The following ATP9B variants were observed in gnomAD, a reference collection of about 807,000 sequenced individuals.
The protein encoded by ATP9B is ATPase phospholipid transporting 9B, also known as probable phospholipid-transporting ATPase IIB.
Under a neutral mutation model 146.1 loss-of-function variants are expected in ATP9B, and 110 were observed. The ratio of observed to expected loss-of-function variants is 0.75; its 90% CI spans 0.65 to 0.88. The LOEUF (loss-of-function observed/expected upper bound fraction) is 0.88, where lower values mean the gene tolerates loss of function less well. Ranked by LOEUF, ATP9B falls within the 40% of genes least tolerant of loss-of-function variation. ATP9B has a pLI of 0.00. For synonymous variants in ATP9B, 604 were observed against 569.7 expected, an observed-to-expected ratio of 1.06 and a Z score of -0.86; for missense variants, 1,499 against 1,496.4, an observed-to-expected ratio of 1.00 and a Z score of -0.03.
intron 2 of ATP9B, among the ~76,000 whole-genome samples, chr18:79,108,269 T>C (rs1447573198): frequency 1.3e-5 from 2 of 152,196 alleles, no homozygotes; most frequent in African/African-American, 2.4e-5. Context: ...GAAATAGTCA[T>C]TGAAAGCTTA....
At chr18:79,267,988 C>T (rs904743636) in intron 12 of ATP9B, among the ~76,000 whole-genome samples, 3 of 151,992 alleles carry the variant, frequency 2.0e-5, no homozygotes, top group Non-Finnish European at 4.4e-5. Flanking sequence ...CCTTGGAATT[C>T]TGTTTATTTT....
intron 11 of ATP9B, among the ~76,000 whole-genome samples, chr18:79,215,070 C>T (rs182015039): frequency 6.6e-6 from 1 of 151,432 alleles, no homozygotes; most frequent in Admixed American, 6.6e-5. Context: ...ATAGCTCAAA[C>T]CCGGGAGGTG....
chr18:79,136,152 T>G (rs1393626119), intron 5 of ATP9B, among the ~76,000 whole-genome samples: 1 of 151,670 alleles, frequency 6.6e-6, no homozygotes, highest in Admixed American at 6.6e-5. Context: ...TACAACTAAT[T>G]AATACAACTA....
At chr18:79,370,514 C>A (rs188930423) in intron 26 of ATP9B, among the ~76,000 whole-genome samples, 208 of 152,298 alleles carry the variant, frequency 1.4e-3, no homozygotes, top group Non-Finnish European at 2.6e-3. Context: ...TAACATGAAA[C>A]CCATAGTGAA....
At chr18:79,227,508 ATGGATGGGTGG>A (rs1473890471) in intron 11 of ATP9B, among the ~76,000 whole-genome samples, 1 of 152,056 alleles carries the variant, frequency 6.6e-6, no homozygotes, top group Non-Finnish European at 1.5e-5. Flanking sequence ...GGATGGGTAG[ATGGATGGGTGG>A]TGGATGGGTG....
chr18:79,275,460 T>C (rs1290242520), intron 12 of ATP9B, among the ~76,000 whole-genome samples: 1 of 152,270 alleles, frequency 6.6e-6, no homozygotes, highest in Non-Finnish European at 1.5e-5. Context: ...ACAGCCCTGC[T>C]ATTTAGTAAC....
At chr18:79,352,538 G>A (rs895309720) in intron 25 of ATP9B, 1 of 152,234 alleles carries the variant, frequency 6.6e-6, no homozygotes, top group Non-Finnish European at 1.5e-5. Flanking sequence ...ATGCCTCAGA[G>A]AAGAGAAACA....
chr18:79,082,661 C>T (rs1286687473), intron 1 of ATP9B, among the ~76,000 whole-genome samples: 1 of 152,172 alleles, frequency 6.6e-6, no homozygotes, highest in African/African-American at 2.4e-5. Context: ...CAGTCAGGCA[C>T]GTCTGTTGCA....
intron 12 of ATP9B, chr18:79,255,413 C>T (rs2096068045): frequency 6.5e-6 from 1 of 152,728 alleles, no homozygotes; most frequent in Admixed American, 6.5e-5. Context: ...TTCTCTCCAC[C>T]AGCTTCCTCC....
intron 4 of ATP9B, chr18:79,117,756 G>A (rs1428478078): frequency 6.6e-6 from 1 of 152,184 alleles, no homozygotes; most frequent in Non-Finnish European, 1.5e-5. Flanking sequence ...TGTTGTTGAA[G>A]CTAGGTAACC....
At chr18:79,084,290 A>G (rs1414544106) in intron 1 of ATP9B, among the ~76,000 whole-genome samples, 1 of 151,872 alleles carries the variant, frequency 6.6e-6, no homozygotes. Context: ...TCATTTTCCT[A>G]CCAACCCTAT....
intron 11 of ATP9B, among the ~76,000 whole-genome samples, chr18:79,236,175 A>G (rs980503106): frequency 2.6e-5 from 4 of 152,106 alleles, no homozygotes; most frequent in Non-Finnish European, 5.9e-5. Flanking sequence ...CGTTATTTTA[A>G]TTTTAGCATT....
intron 7 of ATP9B, among the ~76,000 whole-genome samples, chr18:79,163,905 C>CACAT (rs1449468530): frequency 4.0e-5 from 6 of 149,896 alleles, no homozygotes; most frequent in Non-Finnish European, 7.4e-5. Context: ...CACACACACA[C>CACAT]AGGGGGAGAC....
At chr18:79,269,710 A>C (rs1160039307) in intron 12 of ATP9B, among the ~76,000 whole-genome samples, 7 of 152,230 alleles carry the variant, frequency 4.6e-5, no homozygotes, top group Admixed American at 3.3e-4. Flanking sequence ...ATGGAGGTTC[A>C]TTTCCTAAGA....
At chr18:79,183,428 ATT>A (rs1315743667) in intron 8 of ATP9B, among the ~76,000 whole-genome samples, 3 of 150,884 alleles carry the variant, frequency 2.0e-5, no homozygotes, top group Non-Finnish European at 4.4e-5. Context: ...TTAAATTTAC[ATT>A]TGTTTAGTTT....
At chr18:79,175,105 G>A (rs1161905746) in intron 7 of ATP9B, among the ~76,000 whole-genome samples, 3 of 151,712 alleles carry the variant, frequency 2.0e-5, no homozygotes, top group Non-Finnish European at 4.4e-5. Context: ...GAAGGCTGAG[G>A]CAGGAGAATT....
chr18:79,307,779 T>C (rs2096627464), intron 15 of ATP9B, among the ~76,000 whole-genome samples: 1 of 152,228 alleles, frequency 6.6e-6, no homozygotes, highest in African/African-American at 2.4e-5. Flanking sequence ...ACTCTTTGAT[T>C]TTTAGATCGG....
rs553975581 is a variant in ATP9B at position 79,091,725 on chromosome 18, G to A, written c.120-4751G>A. Among the ~76,000 whole-genome samples the A allele has an allele frequency of 1.0e-3, 156 of 152,302 alleles. 2 individuals carry two copies. Among genetic ancestry groups the A allele is most frequent in the African/African-American group, 3.6e-3 (151 of 41,572 alleles). On this transcript the variant is annotated intron_variant, in intron 1 of 29. Transcript: ENST00000426216. ...TACGTTCGTATCATCAGCAAACAAA[G>A]ATAATTTGATTATTTCCTTTCCAAT... is the stretch of plus-strand genomic sequence containing the variant.
At chr18:79,302,136 G>C (rs2096594462) in intron 13 of ATP9B, among the ~76,000 whole-genome samples, 2 of 152,122 alleles carry the variant, frequency 1.3e-5, no homozygotes, top group South Asian at 4.1e-4. Flanking sequence ...CATAAAATTG[G>C]GTTTTATGGT....
Sources: gnomAD v4.1 joint callset for allele counts (sites outside exome capture counted in the v4.1 genomes callset) on GRCh38, gnomAD v4.1.1 for gene constraint, MANE v1.5 for transcripts, NCBI Gene and HGNC (gene_info 2026-07-23, HGNC 2026-07-21) for gene names.